The following WDR47 variants were observed in gnomAD, a reference collection of about 807,000 sequenced individuals.
The protein encoded by WDR47 is WD repeat domain 47, also known as WD repeat-containing protein 47.
Under a neutral mutation model 97.2 loss-of-function variants are expected in WDR47, and 32 were observed. That is an observed-to-expected ratio of 0.33 (90% confidence interval 0.25 to 0.44). The LOEUF is 0.44. Ranked by LOEUF, WDR47 falls within the 20% of genes least tolerant of loss-of-function variation. The pLI, the probability that WDR47 is intolerant of heterozygous loss-of-function variation, is 1.00. For missense variants in WDR47, 782 were observed against 1,102.3 expected, an observed-to-expected ratio of 0.71 and a Z score of 4.11; for synonymous variants, 375 against 373.5, an observed-to-expected ratio of 1.00 and a Z score of -0.05.
intron 4 of WDR47, among the ~76,000 whole-genome samples, chr1:109,012,706 A>G (rs1180380022): frequency 6.6e-6 from 1 of 152,100 alleles, no homozygotes; most frequent in Admixed American, 6.6e-5. Flanking sequence ...TCTTTGAATC[A>G]TAAGCTTTTA....
intron 7 of WDR47, among the ~76,000 whole-genome samples, chr1:109,001,124 C>A (rs923397953): frequency 1.3e-5 from 2 of 151,906 alleles, no homozygotes; most frequent in Non-Finnish European, 2.9e-5. Context: ...CCCATCTCTA[C>A]TAAAAAAATA....
intron 10 of WDR47, among the ~76,000 whole-genome samples, chr1:108,984,084 A>G (rs566036730): frequency 6.6e-6 from 1 of 152,236 alleles, no homozygotes; most frequent in Non-Finnish European, 1.5e-5. Context: ...GCATGCAGCA[A>G]TGGAAAGAGT....
At chr1:109,004,276 A>C (rs903792032) in intron 6 of WDR47, among the ~76,000 whole-genome samples, 1 of 152,052 alleles carries the variant, frequency 6.6e-6, no homozygotes, top group Admixed American at 6.6e-5. Context: ...AAAAAAAAAA[A>C]ACAAACGTAA....
At chr1:109,018,339 C>G (rs1477068002) in intron 2 of WDR47, among the ~76,000 whole-genome samples, 1 of 151,018 alleles carries the variant, frequency 6.6e-6, no homozygotes, top group Non-Finnish European at 1.5e-5. Context: ...ATCCCAGCTA[C>G]TGGCAGGAGA....
chr1:109,011,097 A>C lies in WDR47; in HGVS notation c.949T>G (p.Leu317Val). 1.2e-6 allele frequency: 2 copies of C among 1,614,124 alleles called. No individual in the cohort carries two copies. The highest frequency in any genetic ancestry group is 1.7e-6 in the Non-Finnish European group (2 of 1,180,036). The change falls in exon 5 of 15, where the codon TTA becomes GTA. Residue 317 changes from leucine (L) to valine (V), a missense_variant. Coordinates refer to ENST00000369962, the MANE Select transcript of WDR47 (RefSeq NM_001142551.2). ...GTTAGTCCACAGGTGAGGCCATCTAAAGCAGGATTCAGAGAGCGGGTCATA... is the reference window on the plus strand; with the variant it reads ...GTTAGTCCACAGGTGAGGCCATCTACAGCAGGATTCAGAGAGCGGGTCATA... ...AYMTRSLNPA[L>V]DGLTCGLTSH... is the part of the protein sequence containing the mutation.
At position 108,972,947 on chromosome 1, in the gene WDR47, GAA is replaced by G. The variant is rs10712683; in HGVS notation, c.2618-1377_2618-1376del. 1.2e-3 allele frequency among the ~76,000 whole-genome samples: 142 copies of G among 116,134 alleles called. No homozygotes were observed. The East Asian group carries it at 0.018, about 15-fold the overall frequency. 76.2% of individuals were successfully genotyped at this position (116,134 alleles called of 152,430 possible). A position where few individuals can be genotyped will look rare whatever the true frequency, so the allele number is the denominator to read the frequency against. Reference sequence around the variant, plus strand: ...GGCGACAGAGCGAGACTCTGTCTCAGAAAAAAAAAAAAAAAAAGTCTATAAAA... The same window carrying G: ...GGCGACAGAGCGAGACTCTGTCTCAGAAAAAAAAAAAAAAAGTCTATAAAA... On this transcript the variant is annotated intron_variant, in intron 14 of 14. Transcript: ENST00000369962.
chr1:109,016,908 A>G (rs1661460146), intron 3 of WDR47, among the ~76,000 whole-genome samples: 1 of 152,356 alleles, frequency 6.6e-6, no homozygotes, highest in Non-Finnish European at 1.5e-5. Flanking sequence ...GCAAACAAGC[A>G]GCTACTCTCA....
At chr1:108,981,900 A>G in intron 12 of WDR47, 36 bp from the exon 13 acceptor site, 2 of 1,597,200 alleles carry the variant, frequency 1.3e-6, no homozygotes, top group African/African-American at 2.7e-5. Flanking sequence ...TTAAGGTGGG[A>G]GAGTATCTTT....
At chr1:109,037,335 A>C (rs540990413) in intron 1 of WDR47, among the ~76,000 whole-genome samples, 10 of 149,526 alleles carry the variant, frequency 6.7e-5, no homozygotes, top group African/African-American at 1.7e-4. Flanking sequence ...GTCTAAAAAA[A>C]AAAAAACAAA....
intron 13 of WDR47, 55 bp downstream of exon 13, chr1:108,981,678 C>A: frequency 1.3e-6 from 2 of 1,522,456 alleles, no homozygotes; most frequent in South Asian, 1.3e-5. Context: ...AAGAAGTAGA[C>A]TAGTCTAATT....
chr1:108,997,620 C>G (rs1393854311), intron 7 of WDR47, among the ~76,000 whole-genome samples: 4 of 151,378 alleles, frequency 2.6e-5, no homozygotes, highest in Admixed American at 2.6e-4. Context: ...ATTAGCCAGG[C>G]GTGGTGGTGG....
chr1:108,974,513 A>T (rs761259218), intron 14 of WDR47, 23 bp downstream of exon 14: 1 of 1,602,578 alleles, frequency 6.2e-7, no homozygotes, highest in Non-Finnish European at 8.5e-7. Flanking sequence ...AAGACTAAAA[A>T]CAGAGAAGTC....
At chr1:108,978,250 C>T (rs1226744296) in intron 13 of WDR47, among the ~76,000 whole-genome samples, 2 of 150,684 alleles carry the variant, frequency 1.3e-5, no homozygotes, top group South Asian at 2.1e-4. Flanking sequence ...CCGAGGCAGG[C>T]GGATCACGAG....
At chr1:109,035,454 C>T (rs761724592) in intron 1 of WDR47, among the ~76,000 whole-genome samples, 12 of 151,512 alleles carry the variant, frequency 7.9e-5, no homozygotes, top group Non-Finnish European at 1.2e-4. Context: ...TCATGCATTA[C>T]TTGTATGTTA....
At chr1:108,995,556 A>C (rs1362985095) in intron 8 of WDR47, 24 bp downstream of exon 8, 1 of 1,610,368 alleles carries the variant, frequency 6.2e-7, no homozygotes, top group Non-Finnish European at 8.5e-7. Context: ...AATATTTCCA[A>C]GTTTTACAAA....
rs749552108 is a variant in WDR47 at position 109,008,310 on chromosome 1, G to A, written c.1130+2606C>T. Among the ~76,000 whole-genome samples, 7 of 151,440 alleles carry A rather than the reference G, an allele frequency of 4.6e-5. No individual in the cohort carries two copies. In the South Asian group the frequency reaches 6.3e-4, roughly 14 times the overall value. The stretch of plus-strand genomic sequence containing the variant: ...GAGTGAGATGGAGTCTTACTCTGTC[G>A]CCTAGGCTGGAGTGCAATGGTGTAA... On this transcript the variant is annotated intron_variant, in intron 5 of 14. Transcript: ENST00000369962.
At position 109,023,368 on chromosome 1, in the gene WDR47, T is replaced by C. The variant is rs1661986750; in HGVS notation, c.145A>G (p.Met49Val). The C allele has an allele frequency of 1.9e-6, 3 of 1,613,350 alleles. No homozygotes were observed. The highest frequency in any genetic ancestry group is 2.5e-6 in the Non-Finnish European group (3 of 1,179,692). ...GVINGLFSDD[M>V]LFLRQLILDG... ...ATGAAATCATACCTCAGGAAAAGCA[T>C]ATCATCTGAAAACAGGCCATTTATG... The change falls in exon 2 of 15, where the codon ATG becomes GTG. Residue 49 changes from methionine to valine, a missense_variant. Transcript: ENST00000369962.
At chr1:109,010,756 G>T (rs1660981636) in intron 5 of WDR47, among the ~76,000 whole-genome samples, 160 bp downstream of exon 5, 1 of 151,786 alleles carries the variant, frequency 6.6e-6, no homozygotes, top group South Asian at 2.1e-4. Context: ...CTAATTTTTT[G>T]TATTTTTAGT....
intron 8 of WDR47, chr1:108,992,981 G>A: frequency 3.1e-6 from 2 of 634,938 alleles, no homozygotes; most frequent in Non-Finnish European, 5.4e-6. Flanking sequence ...ATACCCAGAA[G>A]AATAAGGAAA....
Sources: gnomAD v4.1 joint callset for allele counts (sites outside exome capture counted in the v4.1 genomes callset) on GRCh38, gnomAD v4.1.1 for gene constraint, MANE v1.5 for transcripts, NCBI Gene and HGNC (gene_info 2026-07-23, HGNC 2026-07-21) for gene names.